ITCH: variants seen among roughly 807,000 people sequenced by gnomAD.
ITCH encodes the protein itchy E3 ubiquitin protein ligase.
A neutral mutation model predicts 126.8 loss-of-function variants in ITCH; 28 were observed. The observed-to-expected ratio is 0.22, with a 90% CI of 0.16 to 0.30. ITCH has a LOEUF of 0.30. Ranked by LOEUF, ITCH falls within the 10% of genes least tolerant of loss-of-function variation. The pLI is 1.00. For missense variants in ITCH, 631 were observed against 1,032.4 expected, an observed-to-expected ratio of 0.61 and a Z score of 5.33; for synonymous variants, 342 against 340.0, an observed-to-expected ratio of 1.01 and a Z score of -0.06.
chr20:34,470,210 A>G (rs1417938601), intron 15 of ITCH, 90 bp downstream of exon 15: 2 of 983,094 alleles, frequency 2.0e-6, no homozygotes, highest in East Asian at 2.4e-5. Flanking sequence ...TAACTCACAG[A>G]AAAACAGGTA....
intron 1 of ITCH, among the ~76,000 whole-genome samples, chr20:34,363,739 G>A (rs2037291821): frequency 6.6e-6 from 1 of 152,048 alleles, no homozygotes; most frequent in Middle Eastern, 3.2e-3. Context: ...GGCGGGGCCG[G>A]CGCGGGCGAC....
chr20:34,478,309 T>TA (rs1458837044), intron 17 of ITCH, among the ~76,000 whole-genome samples: 1 of 152,246 alleles, frequency 6.6e-6, no homozygotes, highest in African/African-American at 2.4e-5. Context: ...AGGTAATAGT[T>TA]ACTCAGTTTC....
chr20:34,480,577 G>A (rs762489104), intron 18 of ITCH, 22 bp from the exon 19 acceptor site: 2 of 1,612,294 alleles, frequency 1.2e-6, no homozygotes, highest in African/African-American at 1.3e-5. Context: ...ATTTTAAGCG[G>A]TCTTGTTTCC....
At chr20:34,457,279 TAAAC>T (rs113268687) in intron 12 of ITCH, 107 bp from the exon 13 acceptor site, 15 of 756,326 alleles carry the variant, frequency 2.0e-5, no homozygotes, top group African/African-American at 8.7e-5. Context: ...AACTATAAAA[TAAAC>T]AATGAAATGA....
chr20:34,501,500 G>A (rs1990240584), intron 23 of ITCH, among the ~76,000 whole-genome samples: 1 of 152,216 alleles, frequency 6.6e-6, no homozygotes, highest in South Asian at 2.1e-4. Context: ...GAAGGGCTGA[G>A]TGCGGTGGCT....
chr20:34,399,899 G>A (rs62212172), intron 3 of ITCH, among the ~76,000 whole-genome samples: 78,672 of 151,638 alleles, frequency 0.52, 20,692 homozygotes, highest in Admixed American at 0.63. Context: ...GGGACTACAG[G>A]CGTGTACCAC....
At chr20:34,377,784 C>G (rs1682271580) in intron 2 of ITCH, among the ~76,000 whole-genome samples, 1 of 151,628 alleles carries the variant, frequency 6.6e-6, no homozygotes, top group Admixed American at 6.6e-5. Context: ...GGAGGATTAC[C>G]TGGTCCCGGG....
At chr20:34,483,175 A>G (rs1988877471) in intron 20 of ITCH, among the ~76,000 whole-genome samples, 1 of 152,208 alleles carries the variant, frequency 6.6e-6, no homozygotes, top group Admixed American at 6.5e-5. Context: ...AGGGGCTTCC[A>G]TGAAGACCTC....
intron 7 of ITCH, among the ~76,000 whole-genome samples, chr20:34,432,563 A>T (rs1474410938): frequency 6.6e-6 from 1 of 152,220 alleles, no homozygotes; most frequent in Non-Finnish European, 1.5e-5. Context: ...ATTGGCAAAG[A>T]TTTTAAAACT....
At chr20:34,486,325 C>CTT (rs75327787) in intron 20 of ITCH, among the ~76,000 whole-genome samples, 1 of 144,762 alleles carries the variant, frequency 6.9e-6, no homozygotes. Flanking sequence ...CAGTCCACAC[C>CTT]TTTTTTTTTT....
intron 20 of ITCH, among the ~76,000 whole-genome samples, chr20:34,488,385 T>C (rs2146503875): frequency 6.6e-6 from 1 of 152,300 alleles, no homozygotes; most frequent in South Asian, 2.1e-4. Context: ...ATAATCCTCA[T>C]GTCGTAGAGA....
intron 16 of ITCH, among the ~76,000 whole-genome samples, chr20:34,474,868 TGCCGG>T (rs1050234443): frequency 4.0e-5 from 6 of 148,628 alleles, no homozygotes; most frequent in Non-Finnish European, 7.5e-5. Flanking sequence ...ACGGGGCGGC[TGCCGG>T]GCGGAGGGGC....
At chr20:34,440,922 T>C (rs1426261863) in intron 9 of ITCH, among the ~76,000 whole-genome samples, 1 of 152,180 alleles carries the variant, frequency 6.6e-6, no homozygotes, top group Non-Finnish European at 1.5e-5. Flanking sequence ...CCAATTGCCT[T>C]TTTCTTTAAG....
chr20:34,433,215 G>A (rs887693136), intron 7 of ITCH, among the ~76,000 whole-genome samples: 24 of 152,174 alleles, frequency 1.6e-4, no homozygotes, highest in Admixed American at 6.5e-4. Flanking sequence ...GCTTGAACCC[G>A]GGAGGCGGAG....
chr20:34,368,269 CAAAA>C (rs2037492067), intron 1 of ITCH, among the ~76,000 whole-genome samples: 2 of 97,392 alleles, frequency 2.1e-5, no homozygotes, highest in Non-Finnish European at 4.0e-5. Flanking sequence ...GACTCTGTCT[CAAAA>C]GAAAAAAAAA....
intron 23 of ITCH, among the ~76,000 whole-genome samples, chr20:34,499,272 C>CTTTTTTTTTTTTTTT (rs386393666): frequency 4.3e-5 from 1 of 23,028 alleles, no homozygotes; most frequent in African/African-American, 1.6e-4. Context: ...CTGTGCCCAG[C>CTTTTTTTTTTTTTTT]TTTTTTTTTT....
At chr20:34,400,007 T>C (rs938479263) in intron 3 of ITCH, among the ~76,000 whole-genome samples, 1 of 151,908 alleles carries the variant, frequency 6.6e-6, no homozygotes, top group Non-Finnish European at 1.5e-5. Context: ...GGCGTGATCT[T>C]GGCTCACTGC....
At chr20:34,479,428 A>G (rs916333283) in intron 17 of ITCH, among the ~76,000 whole-genome samples, 2 of 152,220 alleles carry the variant, frequency 1.3e-5, no homozygotes, top group African/African-American at 4.8e-5. Context: ...AATAATGTAT[A>G]TATTACCATC....
At position 34,421,819 on chromosome 20, in the gene ITCH, A is replaced by C. The variant is rs146367011; in HGVS notation, c.476-2661A>C. Among the ~76,000 whole-genome samples the C allele has an allele frequency of 8.0e-3, 1,223 of 152,260 alleles. 21 individuals carry two copies. The highest frequency in any genetic ancestry group is 0.028 in the African/African-American group (1,174 of 41,546). On this transcript the variant is annotated intron_variant, in intron 6 of 24. Transcript: ENST00000374864. ...GTCCGGGAGTTTGAGACCAGCATGGACAACATGGTGAGACTCCATGTATTC... is the reference window on the plus strand; with the variant it reads ...GTCCGGGAGTTTGAGACCAGCATGGCCAACATGGTGAGACTCCATGTATTC...
Sources: gnomAD v4.1 joint callset for allele counts (sites outside exome capture counted in the v4.1 genomes callset) on GRCh38, gnomAD v4.1.1 for gene constraint, MANE v1.5 for transcripts, NCBI Gene and HGNC (gene_info 2026-07-23, HGNC 2026-07-21) for gene names.